Variants in ISLR2 observed in about 807,000 individuals in gnomAD.
ISLR2 encodes immunoglobulin superfamily containing leucine rich repeat 2.
ISLR2 carries 16 observed loss-of-function variants against 25.5 expected under a neutral mutation model. The ratio of observed to expected loss-of-function variants is 0.63; its 90% CI spans 0.43 to 0.95. ISLR2 has a LOEUF of 0.95. Among genes scored for constraint, ISLR2 ranks in the 40% least tolerant of loss-of-function variants. The probability of loss-of-function intolerance (pLI) is 0.00; values close to 1 mark genes in which losing one functional copy is unlikely to be tolerated. For missense variants in ISLR2, 883 were observed against 1,030.7 expected, an observed-to-expected ratio of 0.86 and a Z score of 1.96; for synonymous variants, 508 against 486.6, an observed-to-expected ratio of 1.04 and a Z score of -0.58.
At chr15:74,141,010 C>T (rs2072608158), downstream of ISLR2, among the ~76,000 whole-genome samples, 1 of 152,138 alleles carries the variant, frequency 6.6e-6, no homozygotes, top group African/African-American at 2.4e-5. Context: ...AAAAGCCATC[C>T]AAAGGCCCCA....
chr15:74,136,407 G>A lies in ISLR2; in HGVS notation c.*1415G>A. On this transcript the variant is annotated 3_prime_UTR_variant, in exon 3 of 3. Transcript: ENST00000453268. ...GATCCGGATGGAGCCGAGCCCCTCCGTCCTCGCGTCTCGGTCCTCGCGTCG... is the reference window on the plus strand; with the variant it reads ...GATCCGGATGGAGCCGAGCCCCTCCATCCTCGCGTCTCGGTCCTCGCGTCG... 1.2e-5 allele frequency: 2 copies of A among 165,328 alleles called. No homozygotes were observed. The allele number at this position is 165,328 out of a possible 1,614,324, so 10.2% of individuals were successfully genotyped here. A position where few individuals can be genotyped will look rare whatever the true frequency, so the allele number is the denominator to read the frequency against.
upstream of ISLR2, chr15:74,126,387 C>T (rs1162903601): frequency 2.2e-5 from 3 of 134,814 alleles, no homozygotes; most frequent in East Asian, 6.4e-4. Flanking sequence ...CAGAGTCTCG[C>T]TCTGTCGCCC....
In ISLR2 at chr15:74,135,904, C is replaced by T. The variant is rs2072557265; in HGVS notation, c.*912C>T. 1 of 167,088 alleles carries T rather than the reference C, an allele frequency of 6.0e-6. No homozygotes were observed. The highest frequency in any genetic ancestry group is 2.4e-5 in the African/African-American group (1 of 41,416). The allele number at this position is 167,088 out of a possible 1,614,324, so 10.4% of individuals were successfully genotyped here. A position where few individuals can be genotyped will look rare whatever the true frequency, so the allele number is the denominator to read the frequency against. Reference sequence around the variant, plus strand: ...CCGGCAGGGAACCAAATCCTTCTGTCCTCCCACCCCCACCCCACTTCTGGC... The same window carrying T: ...CCGGCAGGGAACCAAATCCTTCTGTTCTCCCACCCCCACCCCACTTCTGGC... On this transcript the variant is annotated 3_prime_UTR_variant, in exon 3 of 3. Coordinates refer to ENST00000453268, the MANE Select transcript of ISLR2 (RefSeq NM_020851.3).
At chr15:74,103,999 ATTTCTTCATAGCAGC>A (rs1382008609) in intron 2 of ISLR2, 1 of 152,130 alleles carries the variant, frequency 6.6e-6, no homozygotes, top group African/African-American at 2.4e-5. Flanking sequence ...AGTCTTGGGT[ATTTCTTCATAGCAGC>A]ATGAGAATGG....
intron 2 of ISLR2, among the ~76,000 whole-genome samples, chr15:74,112,802 A>G (rs1057166011): frequency 4.0e-5 from 6 of 150,442 alleles, no homozygotes; most frequent in African/African-American, 1.5e-4. Flanking sequence ...TGCTCAGATT[A>G]CAGGTGTGAG....
chr15:74,127,055 A>G (rs970187342), upstream of ISLR2: 1 of 151,880 alleles, frequency 6.6e-6, no homozygotes, highest in Admixed American at 6.6e-5. Flanking sequence ...ACCGGCTGCT[A>G]TGCTGGGGAT....
upstream of ISLR2, chr15:74,128,351 C>T (rs939026635): frequency 2.8e-5 from 12 of 423,316 alleles, no homozygotes; most frequent in South Asian, 1.9e-4. Flanking sequence ...GGAACAAAAG[C>T]ATTTGCTGTA....
Position 74,130,996 on chromosome 15 carries a change from G to A in ISLR2, c.-118-211G>A, listed in dbSNP as rs565170221. On this transcript the variant is annotated intron_variant, in intron 1 of 2. Transcript: ENST00000453268. ...TCTTGGCCTTGGGGAGGGTCTCCGT[G>A]GCTTTAACAAAAGTAGACCAAGCAG... 3 of 152,364 alleles carry A rather than the reference G, an allele frequency of 2.0e-5. No individual in the cohort carries two copies. The East Asian group carries it at 5.8e-4, about 30-fold the overall frequency. 9.4% of individuals were successfully genotyped at this position (152,364 alleles called of 1,614,324 possible). A position where few individuals can be genotyped will look rare whatever the true frequency, so the allele number is the denominator to read the frequency against.
At chr15:74,125,398 C>T (rs777004249), upstream of ISLR2, among the ~76,000 whole-genome samples, 10 of 152,016 alleles carry the variant, frequency 6.6e-5, no homozygotes, top group East Asian at 9.6e-4. Flanking sequence ...TGTGCCACCA[C>T]GCCCAACTAA....
At chr15:74,111,832 G>A (rs1219791105) in intron 2 of ISLR2, among the ~76,000 whole-genome samples, 1 of 152,064 alleles carries the variant, frequency 6.6e-6, no homozygotes, top group Non-Finnish European at 1.5e-5. Flanking sequence ...GAAGAGCCTG[G>A]AATAAGTACA....
downstream of ISLR2, chr15:74,138,530 T>C (rs1255017028): frequency 6.6e-6 from 1 of 152,610 alleles, no homozygotes; most frequent in Non-Finnish European, 1.5e-5. Flanking sequence ...CTTTAGGCAA[T>C]GGGCTAATTG....
Position 74,133,100 on chromosome 15 carries a change from T to C in ISLR2, c.346T>C (p.Trp116Arg). Residue 116 changes from tryptophan to arginine, a missense_variant, in exon 3 of 3, where the codon TGG (tryptophan) becomes CGG (arginine). By Grantham distance (101) the Trp-to-Arg change is moderately radical. This residue lies in a region of ISLR2 where 271 missense variants were observed against 387.9 expected (regional missense o/e 0.70). Coordinates refer to ENST00000453268, the MANE Select transcript of ISLR2 (RefSeq NM_020851.3). Reference sequence around the variant, plus strand: ...CCACAACTTCATATCCAGCTTTCCGTGGAGCGACCTGCGCAACCTGAGCGC... The same window carrying C: ...CCACAACTTCATATCCAGCTTTCCGCGGAGCGACCTGCGCAACCTGAGCGC... The part of the protein sequence containing the change: ...LSHNFISSFP[W>R]SDLRNLSALQ... 6.2e-7 allele frequency: 1 copy of C among 1,612,794 alleles called. No homozygotes were observed. Among genetic ancestry groups the C allele is most frequent in the Non-Finnish European group, 8.5e-7 (1 of 1,179,990 alleles).
intron 2 of ISLR2, among the ~76,000 whole-genome samples, chr15:74,116,915 G>A (rs1023358467): frequency 7.9e-5 from 12 of 152,216 alleles, no homozygotes; most frequent in African/African-American, 2.9e-4. Flanking sequence ...AGGTCAGGGA[G>A]TAAAGTGAGA....
At chr15:74,126,624 A>C (rs1595942367), upstream of ISLR2, 1 of 152,276 alleles carries the variant, frequency 6.6e-6, no homozygotes, top group African/African-American at 2.4e-5. Context: ...GGATTATTAC[A>C]GGTGTGAGCC....
In ISLR2 at chr15:74,134,209, G is replaced by C. The variant is rs369322354; in HGVS notation, c.1455G>C (p.Glu485Asp). Residue 485 changes from glutamate to aspartate, a missense_variant, in exon 3 of 3, where the codon GAG (glutamate) becomes GAC (aspartate). Transcript: ENST00000453268. The stretch of plus-strand genomic sequence containing the variant: ...CAGAGCTCAAGCCGCACGTCTTCGA[G>C]CTGGGCGTCATCGCGCTGGATGTGG... Reference protein sequence around the residue: ...QSAELKPHVFELGVIALDVAE... With the variant: ...QSAELKPHVFDLGVIALDVAE... 85 of 1,608,424 alleles carry C rather than the reference G, an allele frequency of 5.3e-5. No homozygotes were observed. Among genetic ancestry groups the C allele is most frequent in the Non-Finnish European group, 7.0e-5 (83 of 1,177,780 alleles).
At chr15:74,121,100 CTTTGT>C (rs1371254244) in intron 2 of ISLR2, among the ~76,000 whole-genome samples, 1 of 152,066 alleles carries the variant, frequency 6.6e-6, no homozygotes, top group Non-Finnish European at 1.5e-5. Context: ...CTCCTGGTGC[CTTTGT>C]CCCCATCTCT....
chr15:74,123,428 A>G (rs922595867), upstream of ISLR2, among the ~76,000 whole-genome samples: 1 of 152,204 alleles, frequency 6.6e-6, no homozygotes, highest in Non-Finnish European at 1.5e-5. Flanking sequence ...ACAGCACCCA[A>G]GGGCCTCAAG....
upstream of ISLR2, chr15:74,128,379 C>G (rs1399383471): frequency 1.1e-5 from 5 of 441,512 alleles, no homozygotes; most frequent in Non-Finnish European, 2.2e-5. Flanking sequence ...CTAGAGCCTC[C>G]GGGCCCGCGG....
chr15:74,133,050 G>A lies in ISLR2; in HGVS notation c.296G>A (p.Ser99Asn). 6.2e-7 allele frequency: 1 copy of A among 1,613,150 alleles called. No individual in the cohort carries two copies. The highest frequency in any genetic ancestry group is 8.5e-7 in the Non-Finnish European group (1 of 1,179,978). ...GAGCCAGGCGCACTGGCCGTGCTGA[G>A]TCAGCTCAAGAACCTCGATCTGAGC... ...TVEPGALAVL[S>N]QLKNLDLSHN... The change falls in exon 3 of 3, where the codon AGT (serine) becomes AAT (asparagine). Residue 99 changes from serine (S) to asparagine (N), a missense_variant. Physicochemically the swap from Ser to Asn is conservative, Grantham distance 46 (BLOSUM62 1). Coordinates refer to ENST00000453268, the MANE Select transcript of ISLR2 (RefSeq NM_020851.3).
Sources: gnomAD v4.1 joint callset for allele counts (sites outside exome capture counted in the v4.1 genomes callset) on GRCh38, gnomAD v4.1.1 for gene constraint, gnomAD v4.1.1 regional missense constraint, MANE v1.5 for transcripts, NCBI Gene and HGNC (gene_info 2026-07-23, HGNC 2026-07-21) for gene names.